Variants in SRSF11 observed in about 807,000 individuals in gnomAD.
SRSF11 encodes serine/arginine-rich splicing factor 11.
Under a neutral mutation model 56.0 loss-of-function variants are expected in SRSF11, and 9 were observed. The observed-to-expected ratio is 0.16, with a 90% CI of 0.10 to 0.28. The LOEUF (loss-of-function observed/expected upper bound fraction) is 0.28, where lower values mean the gene tolerates loss of function less well. SRSF11 is among the 10% of genes least tolerant of loss of function. SRSF11 has a pLI of 1.00. For missense variants in SRSF11, 421 were observed against 600.7 expected (o/e 0.70, Z 3.13); for synonymous variants, 222 against 215.3 (o/e 1.03, Z -0.27).
chr1:70,249,714 C>T lies in SRSF11; in HGVS notation c.1023-238C>T, dbSNP rs958286916. On this transcript the variant is annotated intron_variant, in intron 9 of 11. Transcript: ENST00000370949. ...CTGGGACTACAGGCATGCACCACCACACCTGGCTAATTTTTTTGTATTTTT... is the reference window on the plus strand; with the variant it reads ...CTGGGACTACAGGCATGCACCACCATACCTGGCTAATTTTTTTGTATTTTT... The T allele has an allele frequency of 7.2e-5, 29 of 404,756 alleles. No homozygotes were observed. In the Admixed American group the frequency reaches 8.5e-4, roughly 12 times the overall value. 25.1% of individuals were successfully genotyped at this position (404,756 alleles called of 1,614,324 possible). A position where few individuals can be genotyped will look rare whatever the true frequency, so the allele number is the denominator to read the frequency against.
At chr1:70,239,292 A>G (rs1017119922) in intron 6 of SRSF11, 147 bp from the exon 7 acceptor site, 1 of 573,378 alleles carries the variant, frequency 1.7e-6, no homozygotes, top group Non-Finnish European at 3.1e-6. Flanking sequence ...AGGCCTCACT[A>G]TATTGCCCAG....
At chr1:70,240,810 T>C in intron 7 of SRSF11, among the ~76,000 whole-genome samples, 1 of 149,646 alleles carries the variant, frequency 6.7e-6, no homozygotes, top group Non-Finnish European at 1.5e-5. Context: ...AGTCTCACTC[T>C]TGTTGCCCAG....
chr1:70,231,998 A>C (rs953743607), intron 2 of SRSF11: 2 of 1,527,386 alleles, frequency 1.3e-6, no homozygotes, highest in African/African-American at 1.4e-5. Flanking sequence ...TGGCAGTGTT[A>C]ACAAAAAAGT....
intron 1 of SRSF11, among the ~76,000 whole-genome samples, chr1:70,215,090 G>C (rs908042395): frequency 6.6e-6 from 1 of 151,808 alleles, no homozygotes; most frequent in Non-Finnish European, 1.5e-5. Context: ...TAGAGGCGGG[G>C]TTTCGTCATT....
At chr1:70,239,158 C>G (rs1674758754) in intron 6 of SRSF11, among the ~76,000 whole-genome samples, 1 of 152,108 alleles carries the variant, frequency 6.6e-6, no homozygotes, top group African/African-American at 2.4e-5. Flanking sequence ...GTGGTGCAAT[C>G]ACAGCTCACT....
chr1:70,237,978 A>C (rs1459944278), intron 6 of SRSF11, among the ~76,000 whole-genome samples: 1 of 152,208 alleles, frequency 6.6e-6, no homozygotes, highest in Non-Finnish European at 1.5e-5. Context: ...TCTTTAAAGA[A>C]AATTAGTTGT....
chr1:70,221,485 G>A lies in SRSF11; in HGVS notation c.-152G>A, dbSNP rs1330996893. 1.5e-5 allele frequency: 15 copies of A among 992,954 alleles called. No individual in the cohort carries two copies. Among genetic ancestry groups the A allele is most frequent in the Non-Finnish European group, 2.1e-5 (15 of 706,282 alleles). The allele number at this position is 992,954 out of a possible 1,614,324, so 61.5% of individuals were successfully genotyped here. A position where few individuals can be genotyped will look rare whatever the true frequency, so the allele number is the denominator to read the frequency against. ...GCGGCGTGCGGCGGGGCGGAGAAAC[G>A]GCGGCGGCGGCGGCGGCATCGGCAG... is the stretch of plus-strand genomic sequence containing the variant. On this transcript the variant is annotated 5_prime_UTR_variant, in exon 1 of 12. Transcript: ENST00000370949.
chr1:70,231,294 C>A, intron 2 of SRSF11: 5 of 1,166,768 alleles, frequency 4.3e-6, no homozygotes, highest in Non-Finnish European at 4.3e-6. Flanking sequence ...TATTATTGAA[C>A]TCTCATTTTG....
intron 3 of SRSF11, among the ~76,000 whole-genome samples, chr1:70,233,943 A>G (rs896829359): frequency 1.1e-4 from 16 of 152,200 alleles, no homozygotes; most frequent in Admixed American, 5.9e-4. Flanking sequence ...ATAAGAAACA[A>G]CCACTACCTC....
chr1:70,235,630 A>G, intron 5 of SRSF11, 80 bp downstream of exon 5: 1 of 1,355,520 alleles, frequency 7.4e-7, no homozygotes, highest in Non-Finnish European at 1.0e-6. Flanking sequence ...ATAGCTTATA[A>G]GAAAGTTATC....
At chr1:70,209,022 T>C (rs1669307621) in intron 1 of SRSF11, among the ~76,000 whole-genome samples, 1 of 152,212 alleles carries the variant, frequency 6.6e-6, no homozygotes, top group African/African-American at 2.4e-5. Flanking sequence ...CCAGAATTTA[T>C]TATATTCATT....
chr1:70,221,617 G>A lies in SRSF11; in HGVS notation c.-20G>A, dbSNP rs183720002. The A allele has an allele frequency of 6.2e-7, 1 of 1,602,380 alleles. No individual in the cohort carries two copies. The highest frequency in any genetic ancestry group is 1.7e-5 in the Admixed American group (1 of 57,910). The stretch of plus-strand genomic sequence containing the variant: ...GTGTGTTTGATGTGTTAAAGCAGGA[G>A]CGAGAACCCGAGCAGCGCCATGAGC... On this transcript the variant is annotated 5_prime_UTR_variant, in exon 1 of 12. Transcript: ENST00000370949.
At position 70,226,967 on chromosome 1, in the gene SRSF11, A is replaced by G. The variant is rs190255423; in HGVS notation, c.204-1455A>G. On this transcript the variant is annotated intron_variant, in intron 1 of 11. Coordinates refer to ENST00000370949, the MANE Select transcript of SRSF11 (RefSeq NM_001350605.2). ...GAAACATTCAACAGTAAGCCTGTATAACAAGGTGGCTTAACTTGCTTGTGG... is the reference window on the plus strand; with the variant it reads ...GAAACATTCAACAGTAAGCCTGTATGACAAGGTGGCTTAACTTGCTTGTGG... Among the ~76,000 whole-genome samples, 31 of 152,334 alleles carry G rather than the reference A, an allele frequency of 2.0e-4. No individual in the cohort carries two copies. The East Asian group carries it at 6.0e-3, about 29-fold the overall frequency.
chr1:70,234,296 C>T (rs1673467524), intron 3 of SRSF11, among the ~76,000 whole-genome samples: 1 of 152,164 alleles, frequency 6.6e-6, no homozygotes, highest in South Asian at 2.1e-4. Context: ...TAGCACAAAA[C>T]AGCAGGGCAA....
At chr1:70,238,858 G>A (rs545469368) in intron 6 of SRSF11, among the ~76,000 whole-genome samples, 2 of 152,134 alleles carry the variant, frequency 1.3e-5, no homozygotes, top group Non-Finnish European at 2.9e-5. Flanking sequence ...CTTAAGTCTG[G>A]CAAGTAAAAT....
chr1:70,230,228 A>C, intron 2 of SRSF11: 5 of 990,548 alleles, frequency 5.0e-6, no homozygotes, highest in Non-Finnish European at 6.0e-6. Flanking sequence ...ATTTAGGAAT[A>C]TACAGTATAT....
At chr1:70,213,456 AACTC>A (rs1358092127) in intron 1 of SRSF11, among the ~76,000 whole-genome samples, 1 of 152,198 alleles carries the variant, frequency 6.6e-6, no homozygotes, top group Admixed American at 6.5e-5. Flanking sequence ...TGTGTAAACT[AACTC>A]TTCTGAGATA....
chr1:70,209,907 A>G (rs2100448020), intron 1 of SRSF11, among the ~76,000 whole-genome samples: 1 of 151,424 alleles, frequency 6.6e-6, no homozygotes, highest in Admixed American at 6.6e-5. Context: ...CCAAGAAGAC[A>G]TTCTTTTCTT....
upstream of SRSF11, among the ~76,000 whole-genome samples, chr1:70,217,140 T>G (rs1009323121): frequency 5.9e-5 from 9 of 151,754 alleles, no homozygotes; most frequent in South Asian, 6.2e-4. Context: ...GTTTTTTGTG[T>G]TTTTTTTGTT....
Sources: gnomAD v4.1 joint callset for allele counts (sites outside exome capture counted in the v4.1 genomes callset) on GRCh38, gnomAD v4.1.1 for gene constraint, MANE v1.5 for transcripts, NCBI Gene and HGNC (gene_info 2026-07-23, HGNC 2026-07-21) for gene names.